DPH6: variants seen among roughly 807,000 people sequenced by gnomAD.
DPH6 encodes the protein diphthine--ammonia ligase.
Under a neutral mutation model 38.2 loss-of-function variants are expected in DPH6, and 33 were observed. That is an observed-to-expected ratio of 0.86 (90% CI 0.65 to 1.15). The LOEUF (loss-of-function observed/expected upper bound fraction) is 1.15. Ranked by LOEUF, DPH6 falls within the 50% of genes most tolerant of loss-of-function variation. DPH6 has a pLI of 0.00. For missense variants in DPH6, 325 were observed against 320.0 expected (o/e 1.02, Z -0.12); for synonymous variants, 108 against 103.0 (o/e 1.05, Z -0.30).
At chr15:35,360,862 A>C (rs921854722) in intron 3 of DPH6, among the ~76,000 whole-genome samples, 12 of 152,020 alleles carry the variant, frequency 7.9e-5, no homozygotes, top group Non-Finnish European at 1.8e-4. Context: ...TTTAGTGTAC[A>C]CAATTGGGTG....
intron 3 of DPH6, among the ~76,000 whole-genome samples, chr15:35,267,443 A>G (rs2140423694): frequency 6.6e-6 from 1 of 152,214 alleles, no homozygotes; most frequent in East Asian, 1.9e-4. Flanking sequence ...AAAGGGATAC[A>G]CTTTTTTCAA....
At chr15:35,473,953 T>TGTGTGC (rs1160214470) in intron 3 of DPH6, among the ~76,000 whole-genome samples, 1 of 25,012 alleles carries the variant, frequency 4.0e-5, no homozygotes, top group Non-Finnish European at 2.1e-4. Flanking sequence ...TGTGTGTGTG[T>TGTGTGC]GTGTGCGCGC....
At chr15:35,462,676 T>G (rs1267249142) in intron 3 of DPH6, among the ~76,000 whole-genome samples, 2 of 152,220 alleles carry the variant, frequency 1.3e-5, no homozygotes, top group African/African-American at 4.8e-5. Flanking sequence ...TCACTTTCTA[T>G]GTCCTTGCCC....
chr15:35,288,021 C>T (rs1020515982), intron 3 of DPH6, among the ~76,000 whole-genome samples: 3 of 152,164 alleles, frequency 2.0e-5, no homozygotes, highest in Admixed American at 1.3e-4. Flanking sequence ...TTCATTCTTG[C>T]AATGCTATGC....
intron 6 of DPH6, 113 bp downstream of exon 6, chr15:35,410,722 G>T: frequency 1.3e-6 from 1 of 745,854 alleles, no homozygotes; most frequent in Non-Finnish European, 2.1e-6. Context: ...AATATATTAT[G>T]AATGTATTTG....
chr15:35,202,942 T>C, the DPH6 span, among the ~76,000 whole-genome samples: 1 of 151,688 alleles, frequency 6.6e-6, no homozygotes, highest in Non-Finnish European at 1.5e-5. Context: ...ACCTGAGCAC[T>C]TCAGTGAGAA....
intron 5 of DPH6, among the ~76,000 whole-genome samples, chr15:35,427,649 T>C (rs1466707371): frequency 6.6e-6 from 1 of 151,780 alleles, no homozygotes; most frequent in East Asian, 1.9e-4. Context: ...CTCCATCCTA[T>C]TAAACTTATC....
At chr15:35,379,122 T>C (rs1254087796) in intron 7 of DPH6, among the ~76,000 whole-genome samples, 3 of 152,202 alleles carry the variant, frequency 2.0e-5, no homozygotes, top group Admixed American at 2.0e-4. Flanking sequence ...CACTTGAGTC[T>C]ACTTCCGTTG....
rs537454611 is a variant in DPH6, at chr15:35,283,591, G to A, written n.201-63009C>T. The stretch of plus-strand genomic sequence containing the variant: ...ACCACAGGCATGAGCTACCACACCC[G>A]GCCCCTGAATAACTTCTTATATGGT... On this transcript the variant is annotated intron_variant and non_coding_transcript_variant, in intron 3 of 3. Coordinates refer to the DPH6 transcript ENST00000560386. Among the ~76,000 whole-genome samples, 22 of 152,094 alleles carry A rather than the reference G, an allele frequency of 1.4e-4. No individual in the cohort carries two copies. The South Asian group carries it at 1.7e-3, about 11-fold the overall frequency.
chr15:35,389,837 T>G (rs2053028178), intron 6 of DPH6, among the ~76,000 whole-genome samples: 1 of 152,214 alleles, frequency 6.6e-6, no homozygotes, highest in African/African-American at 2.4e-5. Context: ...TTTAGCCCAT[T>G]TACATTTAAG....
At chr15:35,311,361 TGG>T (rs2052140710) in intron 3 of DPH6, among the ~76,000 whole-genome samples, 1 of 152,166 alleles carries the variant, frequency 6.6e-6, no homozygotes, top group South Asian at 2.1e-4. Flanking sequence ...TCTCCACAAG[TGG>T]TTATACAGTA....
chr15:35,420,599 C>G (rs1287681345), intron 5 of DPH6, among the ~76,000 whole-genome samples: 1 of 152,156 alleles, frequency 6.6e-6, no homozygotes, highest in Non-Finnish European at 1.5e-5. Flanking sequence ...CCACTGCAAC[C>G]TCCGCCTCCT....
chr15:35,199,770 G>A, the DPH6 span, among the ~76,000 whole-genome samples: 2 of 151,742 alleles, frequency 1.3e-5, no homozygotes, highest in Non-Finnish European at 2.9e-5. Flanking sequence ...GGTGGGAAAA[G>A]TACCTCTCTG....
At chr15:35,185,799 A>G in the DPH6 span, among the ~76,000 whole-genome samples, 1 of 133,808 alleles carries the variant, frequency 7.5e-6, no homozygotes, top group East Asian at 2.1e-4. Context: ...ATCTCAGCTC[A>G]TCGGCTCACT....
intron 3 of DPH6, among the ~76,000 whole-genome samples, chr15:35,223,934 C>A (rs2051460665): frequency 6.6e-6 from 1 of 151,818 alleles, no homozygotes; most frequent in Admixed American, 6.6e-5. Flanking sequence ...TCCCTCATTC[C>A]CTCTTCTGGA....
chr15:35,466,676 C>T (rs942830330), intron 3 of DPH6, among the ~76,000 whole-genome samples: 13 of 152,126 alleles, frequency 8.5e-5, no homozygotes, highest in Non-Finnish European at 1.6e-4. Flanking sequence ...GTATGAACAT[C>T]ATAGAGTGTA....
intron 6 of DPH6, among the ~76,000 whole-genome samples, chr15:35,387,542 T>G (rs971308430): frequency 8.5e-5 from 13 of 152,198 alleles, no homozygotes; most frequent in Non-Finnish European, 1.2e-4. Context: ...TAGTTCTCCT[T>G]GAAGAGGTCC....
intron 3 of DPH6, among the ~76,000 whole-genome samples, chr15:35,364,418 TAG>T (rs1314694539): frequency 1.3e-5 from 2 of 152,058 alleles, no homozygotes; most frequent in African/African-American, 4.8e-5. Flanking sequence ...TGTTATTAAC[TAG>T]AGTTAAGTAT....
intron 3 of DPH6, among the ~76,000 whole-genome samples, chr15:35,356,270 T>A (rs1479053027): frequency 6.6e-6 from 1 of 152,096 alleles, no homozygotes; most frequent in African/African-American, 2.4e-5. Context: ...TCTGAAGACT[T>A]CTTCTCTCAA....
Sources: gnomAD v4.1 joint callset for allele counts (sites outside exome capture counted in the v4.1 genomes callset) on GRCh38, gnomAD v4.1.1 for gene constraint, MANE v1.5 for transcripts, NCBI Gene and HGNC (gene_info 2026-07-23, HGNC 2026-07-21) for gene names.